ACTR3C: variants seen among roughly 807,000 people sequenced by gnomAD.
ACTR3C encodes the protein actin-related protein 3C.
Under a neutral mutation model 26.3 loss-of-function variants are expected in ACTR3C, and 18 were observed. The observed-to-expected ratio is 0.68, with a 90% CI of 0.47 to 1.01. The LOEUF (loss-of-function observed/expected upper bound fraction) is 1.01. ACTR3C is among the 50% of genes least tolerant of loss of function. The pLI is 0.00. For synonymous variants in ACTR3C, 55 were observed against 94.5 expected, an observed-to-expected ratio of 0.58 and a Z score of 2.42; for missense variants, 184 against 250.7, an observed-to-expected ratio of 0.73 and a Z score of 1.80.
chr7:150,135,145 G>A, the ACTR3C span, among the ~76,000 whole-genome samples: 4 of 152,326 alleles, frequency 2.6e-5, no homozygotes, highest in South Asian at 2.1e-4. Flanking sequence ...GGTGGTGGGC[G>A]CCTGTAGTCC....
chr7:150,070,455 TATTTA>T, the ACTR3C span, among the ~76,000 whole-genome samples: 1 of 152,126 alleles, frequency 6.6e-6, no homozygotes, highest in African/African-American at 2.4e-5. Flanking sequence ...AATTGCTACT[TATTTA>T]ATTTCTTTTA....
chr7:150,025,809 A>G, the ACTR3C span, among the ~76,000 whole-genome samples: 5 of 151,910 alleles, frequency 3.3e-5, no homozygotes, highest in African/African-American at 7.3e-5. Flanking sequence ...CCAGGAATCA[A>G]GTTTTTCCCC....
downstream of ACTR3C, among the ~76,000 whole-genome samples, chr7:150,239,561 T>TAA (rs1554447204): frequency 4.4e-5 from 6 of 137,718 alleles, no homozygotes; most frequent in African/African-American, 8.7e-5. Flanking sequence ...TATATATATA[T>TAA]AATTTATTAT....
At chr7:149,910,617 G>A in the ACTR3C span, among the ~76,000 whole-genome samples, 3 of 152,064 alleles carry the variant, frequency 2.0e-5, no homozygotes, top group Non-Finnish European at 4.4e-5. Flanking sequence ...CCGTCATTCT[G>A]TAATAATGCT....
the ACTR3C span, among the ~76,000 whole-genome samples, chr7:149,966,029 T>C: frequency 3.9e-5 from 6 of 152,240 alleles, no homozygotes; most frequent in Non-Finnish European, 7.3e-5. Context: ...AACTTATTTC[T>C]CTATGAGCAA....
chr7:150,036,080 C>CT, the ACTR3C span, among the ~76,000 whole-genome samples: 1 of 46,976 alleles, frequency 2.1e-5, no homozygotes, highest in African/African-American at 8.6e-5. Context: ...GCGAGGGGTG[C>CT]TCCCCCCCCT....
chr7:150,028,331 T>C, the ACTR3C span, among the ~76,000 whole-genome samples: 6 of 152,418 alleles, frequency 3.9e-5, no homozygotes, highest in Non-Finnish European at 7.3e-5. Context: ...GGTTTTTATC[T>C]GTCTCATAAA....
intron 2 of ACTR3C, 138 bp downstream of exon 2, chr7:150,295,114 G>A (rs1013995610): frequency 3.9e-5 from 40 of 1,030,250 alleles, no homozygotes; most frequent in Non-Finnish European, 5.6e-5. Flanking sequence ...AGTCCTGAAT[G>A]GCATGGGGAC....
chr7:150,226,820 T>C, the ACTR3C span, among the ~76,000 whole-genome samples: 1 of 152,246 alleles, frequency 6.6e-6, no homozygotes, highest in African/African-American at 2.4e-5. Flanking sequence ...TCTGTGTATC[T>C]GCTTTGGTGA....
rs1202607352 is a variant in ACTR3C at position 150,293,290 on chromosome 7, A to C, written c.153+22T>G. On this transcript the variant is annotated intron_variant, in intron 3 of 7. Transcript: ENST00000683684. ...TCAGGTGTTAAGCCTACAGAGACTT[A>C]TATATTAACTATTCTGCTTACCACT... 5.2e-6 allele frequency: 8 copies of C among 1,547,726 alleles called. No homozygotes were observed. The East Asian group carries it at 1.9e-4, about 37-fold the overall frequency.
the ACTR3C span, among the ~76,000 whole-genome samples, chr7:150,045,979 C>T: frequency 4.6e-5 from 7 of 152,168 alleles, no homozygotes; most frequent in Non-Finnish European, 7.4e-5. Flanking sequence ...CAGAACTCTT[C>T]ACCCTCCCCC....
At chr7:150,132,913 C>T in the ACTR3C span, among the ~76,000 whole-genome samples, 687 of 151,578 alleles carry the variant, frequency 4.5e-3, 5 homozygotes, top group African/African-American at 0.016. Context: ...GAATACTACA[C>T]AGCCATAAAA....
chr7:150,207,046 ATG>A, the ACTR3C span, among the ~76,000 whole-genome samples: 1 of 152,222 alleles, frequency 6.6e-6, no homozygotes, highest in Non-Finnish European at 1.5e-5. Flanking sequence ...AGAAAATGTT[ATG>A]TAATAACTGT....
At chr7:150,180,618 T>C in the ACTR3C span, among the ~76,000 whole-genome samples, 1 of 147,548 alleles carries the variant, frequency 6.8e-6, no homozygotes, top group Non-Finnish European at 1.5e-5. Context: ...GTTCACGCCA[T>C]TCTCCCGCCT....
chr7:150,132,445 A>G, the ACTR3C span, among the ~76,000 whole-genome samples: 1 of 152,228 alleles, frequency 6.6e-6, no homozygotes, highest in Non-Finnish European at 1.5e-5. Context: ...TGGACAAAGA[A>G]TATGAACAGA....
the ACTR3C span, among the ~76,000 whole-genome samples, chr7:150,099,164 G>A: frequency 6.9e-6 from 1 of 145,174 alleles, no homozygotes; most frequent in Non-Finnish European, 1.5e-5. Flanking sequence ...TGGGGAGGCA[G>A]AGTGAGGACA....
the ACTR3C span, among the ~76,000 whole-genome samples, chr7:150,189,030 C>G: frequency 6.6e-6 from 1 of 151,236 alleles, no homozygotes; most frequent in South Asian, 2.1e-4. Flanking sequence ...TACCACCAAG[C>G]TCCCTCCAAC....
chr7:149,900,984 C>G, the ACTR3C span, among the ~76,000 whole-genome samples: 127,758 of 152,064 alleles, frequency 0.84, 55,529 homozygotes, highest in East Asian at 1. Flanking sequence ...AGTAAGCCGA[C>G]ATCACACCAC....
the ACTR3C span, among the ~76,000 whole-genome samples, chr7:149,966,527 A>G: frequency 6.6e-6 from 1 of 152,188 alleles, no homozygotes; most frequent in Non-Finnish European, 1.5e-5. Flanking sequence ...GCATTACCCT[A>G]TGAAATCAGG....
Sources: allele counts gnomAD v4.1 joint callset (sites outside exome capture counted in the v4.1 genomes callset), GRCh38; gene constraint gnomAD v4.1.1; transcripts MANE v1.5; gene names NCBI Gene and HGNC (gene_info 2026-07-23, HGNC 2026-07-21).